The following MORC1 variants were observed in gnomAD, a reference collection of about 807,000 sequenced individuals.
The protein encoded by MORC1 is MORC family CW-type zinc finger protein 1.
Under a neutral mutation model 134.9 loss-of-function variants are expected in MORC1, and 59 were observed. The observed-to-expected ratio is 0.44, with a 90% confidence interval of 0.35 to 0.54. MORC1 has a LOEUF of 0.54. MORC1 is among the 20% of genes least tolerant of loss of function. The pLI, the probability that MORC1 is intolerant of heterozygous loss-of-function variation, is 0.00. For missense variants in MORC1, 947 were observed against 1,134.5 expected, an observed-to-expected ratio of 0.83 and a Z score of 2.37; for synonymous variants, 395 against 391.7, an observed-to-expected ratio of 1.01 and a Z score of -0.10.
At chr3:108,983,079 C>G (rs1488762839) in intron 23 of MORC1, among the ~76,000 whole-genome samples, 2 of 150,986 alleles carry the variant, frequency 1.3e-5, no homozygotes, top group Non-Finnish European at 2.9e-5. Context: ...ATAATATATA[C>G]ATGCATACAC....
chr3:108,986,919 A>G lies in MORC1; in HGVS notation c.2218T>C (p.Leu740=), dbSNP rs1409064877. The change falls in exon 22 of 28, where the codon TTG becomes CTG. Residue 740 remains leucine, a synonymous_variant. Coordinates refer to ENST00000232603, the MANE Select transcript of MORC1 (RefSeq NM_014429.4). ...VSDKSNTDVS[L]KQEKKEIPLL... is the part of the protein sequence containing the mutation. ...GGAATTTCCTTTTTTTCTTGTTTCA[A>G]TGAAACATCAGTGTTGCTTTTATCT... The G allele has an allele frequency of 1.3e-6, 2 of 1,577,702 alleles. No individual in the cohort carries two copies.
chr3:109,007,541 C>T (rs374490236), intron 17 of MORC1, among the ~76,000 whole-genome samples: 2 of 152,272 alleles, frequency 1.3e-5, no homozygotes, highest in African/African-American at 4.8e-5. Context: ...GTCCTTAACG[C>T]ACTCAATGCC....
At chr3:109,002,618 G>A (rs1948435064) in intron 20 of MORC1, among the ~76,000 whole-genome samples, 1 of 152,152 alleles carries the variant, frequency 6.6e-6, no homozygotes, top group Non-Finnish European at 1.5e-5. Context: ...AAGAGTCCCA[G>A]GCTCAAGGTC....
chr3:109,090,851 A>G (rs1576732276), intron 8 of MORC1, among the ~76,000 whole-genome samples: 1 of 152,064 alleles, frequency 6.6e-6, no homozygotes, highest in African/African-American at 2.4e-5. Flanking sequence ...ACAGCTGTAC[A>G]ATCCTACCCA....
chr3:109,048,754 C>T (rs1399963882), intron 14 of MORC1, among the ~76,000 whole-genome samples: 2 of 152,050 alleles, frequency 1.3e-5, no homozygotes, highest in Non-Finnish European at 2.9e-5. Context: ...GTGCACCTAT[C>T]CCTGGTATGT....
At chr3:109,019,290 G>A (rs564692620) in intron 17 of MORC1, among the ~76,000 whole-genome samples, 2 of 152,244 alleles carry the variant, frequency 1.3e-5, no homozygotes, top group Non-Finnish European at 2.9e-5. Context: ...TCTTCAAAGA[G>A]CTCGTAAGCA....
intron 15 of MORC1, among the ~76,000 whole-genome samples, chr3:109,034,180 G>A (rs1478789534): frequency 1.3e-5 from 2 of 152,024 alleles, no homozygotes; most frequent in Non-Finnish European, 2.9e-5. Context: ...ATCCTTCACT[G>A]AGCTGCCAGA....
intron 8 of MORC1, among the ~76,000 whole-genome samples, chr3:109,074,942 G>A (rs1242063867): frequency 2.0e-5 from 3 of 152,102 alleles, no homozygotes; most frequent in Non-Finnish European, 4.4e-5. Flanking sequence ...GAGAATTTTG[G>A]AGACTGAAGA....
chr3:109,021,890 A>G (rs1388418086), intron 17 of MORC1, among the ~76,000 whole-genome samples: 1 of 152,236 alleles, frequency 6.6e-6, no homozygotes, highest in Non-Finnish European at 1.5e-5. Flanking sequence ...GGAGGTACAC[A>G]GAAGAAAGCA....
At chr3:109,006,785 TA>T (rs1269874312) in intron 18 of MORC1, among the ~76,000 whole-genome samples, 1 of 152,202 alleles carries the variant, frequency 6.6e-6, no homozygotes, top group Non-Finnish European at 1.5e-5. Context: ...ATACATTATT[TA>T]AAAAGGTTTT....
intron 14 of MORC1, among the ~76,000 whole-genome samples, chr3:109,037,149 G>A (rs1949398918): frequency 6.6e-6 from 1 of 152,164 alleles, no homozygotes; most frequent in East Asian, 1.9e-4. Flanking sequence ...CCTGGGTCTG[G>A]GGGTTAATGG....
Position 108,984,892 on chromosome 3 carries a change from T to C in MORC1, c.2258-110A>G, listed in dbSNP as rs1014887560. On this transcript the variant is annotated intron_variant, in intron 22 of 27. Coordinates refer to ENST00000232603, the MANE Select transcript of MORC1 (RefSeq NM_014429.4). Reference sequence around the variant, plus strand: ...ACCTCTGTATAATATGGATTTGTATTGAAACATCCATTTATAAAACTGTAC... The same window carrying C: ...ACCTCTGTATAATATGGATTTGTATCGAAACATCCATTTATAAAACTGTAC... 2.1e-5 allele frequency: 15 copies of C among 713,062 alleles called. 1 individual carries two copies. The East Asian group carries it at 4.2e-4, about 20-fold the overall frequency. 44.2% of individuals were successfully genotyped at this position (713,062 alleles called of 1,614,324 possible). A position where few individuals can be genotyped will look rare whatever the true frequency, so the allele number is the denominator to read the frequency against.
chr3:109,117,964 TCCCCGA>T, intron 1 of MORC1, 25 bp downstream of exon 1: 1 of 1,517,346 alleles, frequency 6.6e-7, no homozygotes, highest in Non-Finnish European at 9.0e-7. Flanking sequence ...GCAGAGACCC[TCCCCGA>T]CCCCGACCCC....
chr3:109,059,947 C>A (rs1950042457), intron 11 of MORC1, 77 bp from the exon 12 acceptor site: 2 of 1,242,658 alleles, frequency 1.6e-6, no homozygotes, highest in African/African-American at 3.0e-5. Context: ...ATCCTATTAT[C>A]CAAATGTTTC....
At position 108,976,098 on chromosome 3, in the gene MORC1, G is replaced by C. The variant is rs182321131; in HGVS notation, c.2477+3417C>G. 4.9e-3 allele frequency among the ~76,000 whole-genome samples: 747 copies of C among 152,248 alleles called. 5 individuals are homozygous for C. Among genetic ancestry groups the C allele is most frequent in the Middle Eastern group, 0.02 (6 of 294 alleles). On this transcript the variant is annotated intron_variant, in intron 24 of 27. Coordinates refer to ENST00000232603, the MANE Select transcript of MORC1 (RefSeq NM_014429.4). ...CAAACTAATACACAAAAAGCAAGAA[G>C]TAATATAAGACAGGAAAATGCCTGA... is the stretch of plus-strand genomic sequence containing the variant.
chr3:109,069,263 A>G (rs541427007), intron 9 of MORC1, among the ~76,000 whole-genome samples: 1 of 152,234 alleles, frequency 6.6e-6, no homozygotes, highest in Non-Finnish European at 1.5e-5. Flanking sequence ...TATATGTATA[A>G]TATAAATATG....
intron 8 of MORC1, among the ~76,000 whole-genome samples, chr3:109,077,379 T>C (rs1465768067): frequency 6.6e-6 from 1 of 152,132 alleles, no homozygotes; most frequent in Admixed American, 6.5e-5. Flanking sequence ...AATAAAAATG[T>C]GTAATTAAAA....
chr3:108,976,442 T>C (rs866183845), intron 24 of MORC1, among the ~76,000 whole-genome samples: 2 of 152,202 alleles, frequency 1.3e-5, no homozygotes. Flanking sequence ...TCTAGTAAAT[T>C]CAAGAAATTA....
intron 17 of MORC1, among the ~76,000 whole-genome samples, chr3:109,019,903 G>T (rs964171457): frequency 1.3e-5 from 2 of 152,170 alleles, no homozygotes; most frequent in Non-Finnish European, 2.9e-5. Flanking sequence ...GGAGAGATTG[G>T]AGAGAAGGGA....
Sources: allele counts gnomAD v4.1 joint callset (sites outside exome capture counted in the v4.1 genomes callset), GRCh38; gene constraint gnomAD v4.1.1; transcripts MANE v1.5; gene names NCBI Gene and HGNC (gene_info 2026-07-23, HGNC 2026-07-21).